SLC2A9: variants seen among roughly 807,000 people sequenced by gnomAD.
SLC2A9 encodes the protein solute carrier family 2 member 9, also known as solute carrier family 2, facilitated glucose transporter member 9.
A neutral mutation model predicts 50.6 loss-of-function variants in SLC2A9; 39 were observed. That is an observed-to-expected ratio of 0.77 (90% confidence interval 0.60 to 1.01). The LOEUF is 1.01. Among genes scored for constraint, SLC2A9 ranks in the 50% least tolerant of loss-of-function variants. The probability of loss-of-function intolerance (pLI) is 0.00; values close to 1 mark genes in which losing one functional copy is unlikely to be tolerated. For synonymous variants in SLC2A9, 324 were observed against 276.9 expected (o/e 1.17, Z -1.69); for missense variants, 686 against 677.6 (o/e 1.01, Z -0.14).
intron 4 of SLC2A9, among the ~76,000 whole-genome samples, chr4:9,982,000 G>T (rs979917289): frequency 1.3e-5 from 2 of 151,906 alleles, no homozygotes; most frequent in African/African-American, 4.8e-5. Context: ...TCCTGCCTCA[G>T]CCTCCTGAGT....
At chr4:10,036,750 AG>A (rs1764119721) in intron 1 of SLC2A9, among the ~76,000 whole-genome samples, 1 of 152,220 alleles carries the variant, frequency 6.6e-6, no homozygotes, top group Non-Finnish European at 1.5e-5. Flanking sequence ...TTCTATCCTT[AG>A]CACAGATTTC....
chr4:9,916,740 A>T (rs1382652003), intron 7 of SLC2A9, among the ~76,000 whole-genome samples: 1 of 152,186 alleles, frequency 6.6e-6, no homozygotes, highest in Non-Finnish European at 1.5e-5. Flanking sequence ...TAGATAAGAG[A>T]ACCACCATGA....
intron 1 of SLC2A9, among the ~76,000 whole-genome samples, chr4:10,033,334 G>A (rs769357604): frequency 5.3e-5 from 8 of 152,038 alleles, no homozygotes; most frequent in Non-Finnish European, 1.0e-4. Flanking sequence ...TCTACTCCCA[G>A]GCGGCTTCCT....
At chr4:9,974,520 C>CA (rs34012301) in intron 5 of SLC2A9, among the ~76,000 whole-genome samples, 101,453 of 144,456 alleles carry the variant, frequency 0.7, 36,470 homozygotes, top group East Asian at 0.95. Flanking sequence ...TAATAGCTGC[C>CA]AAAAAAAAAA....
At chr4:9,863,787 GACTTT>G (rs1732020895) in intron 10 of SLC2A9, among the ~76,000 whole-genome samples, 1 of 152,068 alleles carries the variant, frequency 6.6e-6, no homozygotes, top group East Asian at 1.9e-4. Context: ...GAACAAGAGT[GACTTT>G]ACTTTAAATG....
In SLC2A9 at chr4:9,804,015, A is replaced by C. The variant is rs1251874328; in HGVS notation, n.421-4774T>G. ...ACAAAATATGAATCAAGCACTTTTT[A>C]ATTTAACCATTGGTGCTCTGCAAAG... On this transcript the variant is annotated intron_variant and non_coding_transcript_variant, in intron 3 of 3. Transcript: ENST00000503280. Among the ~76,000 whole-genome samples, 3 of 152,212 alleles carry C rather than the reference A, an allele frequency of 2.0e-5. No individual in the cohort carries two copies. In the East Asian group the frequency reaches 5.8e-4, roughly 29 times the overall value.
chr4:9,859,554 T>C lies in SLC2A9; in HGVS notation c.1292-24546A>G, dbSNP rs150266310. 3.1e-3 allele frequency among the ~76,000 whole-genome samples: 465 copies of C among 152,324 alleles called. 7 individuals are homozygous for C. The highest frequency in any genetic ancestry group is 0.011 in the African/African-American group (453 of 41,570). On this transcript the variant is annotated intron_variant, in intron 10 of 11. Transcript: ENST00000264784. ...AGCCATGAGGCCAAGTGAGGGAGCA[T>C]AGAGACTGAAGCCCTTGTTCAGATT...
intron 2 of SLC2A9, among the ~76,000 whole-genome samples, chr4:10,011,063 C>T (rs1761685156): frequency 6.6e-6 from 1 of 152,194 alleles, no homozygotes; most frequent in Non-Finnish European, 1.5e-5. Flanking sequence ...GGATCAGCTA[C>T]TCTTGAACCC....
chr4:9,859,522 C>T (rs1418061346), intron 10 of SLC2A9, among the ~76,000 whole-genome samples: 1 of 152,210 alleles, frequency 6.6e-6, no homozygotes, highest in South Asian at 2.1e-4. Flanking sequence ...GGTTTTTCTC[C>T]TATACCAGCC....
chr4:9,993,688 G>A (rs1293899443), intron 3 of SLC2A9, among the ~76,000 whole-genome samples: 2 of 152,026 alleles, frequency 1.3e-5, no homozygotes, highest in African/African-American at 4.8e-5. Flanking sequence ...TGTCACTATG[G>A]TCATGCAAGC....
At chr4:9,839,646 TA>T (rs992295688) in intron 10 of SLC2A9, among the ~76,000 whole-genome samples, 9 of 151,946 alleles carry the variant, frequency 5.9e-5, no homozygotes, top group Admixed American at 3.3e-4. Flanking sequence ...TATGCAGCCA[TA>T]AAAAAAGAAT....
chr4:9,850,465 G>C (rs997357346), intron 10 of SLC2A9, among the ~76,000 whole-genome samples: 12 of 152,136 alleles, frequency 7.9e-5, no homozygotes, highest in African/African-American at 2.7e-4. Context: ...GATGAGGCCG[G>C]TACATTCTGA....
downstream of SLC2A9, among the ~76,000 whole-genome samples, chr4:9,777,733 G>C (rs114407557): frequency 4.8e-3 from 735 of 152,282 alleles, 11 homozygotes; most frequent in Middle Eastern, 0.02. Context: ...GATTTAAGAG[G>C]CTGAGATTCT....
At position 9,827,776 on chromosome 4, in the gene SLC2A9, G is replaced by A. The variant is rs535389660; in HGVS notation, c.1420-1176C>T. Among the ~76,000 whole-genome samples the A allele has an allele frequency of 9.2e-5, 14 of 152,274 alleles. No individual in the cohort carries two copies. The East Asian group carries it at 1.5e-3, about 17-fold the overall frequency. ...GCTCTTGAGACTGTGCCTTCTGCTC[G>A]TACAAAGACTTCAAGAGTAGTGTGG... On this transcript the variant is annotated intron_variant, in intron 11 of 11. Coordinates refer to ENST00000264784, the MANE Select transcript of SLC2A9 (RefSeq NM_020041.3).
At chr4:9,807,313 T>C (rs1479081980) in intron 3 of SLC2A9, among the ~76,000 whole-genome samples, 1 of 152,214 alleles carries the variant, frequency 6.6e-6, no homozygotes, top group Non-Finnish European at 1.5e-5. Flanking sequence ...TCTTCTAGAA[T>C]GCCCTTTCTT....
At chr4:9,954,702 G>A (rs1322248968) in intron 5 of SLC2A9, among the ~76,000 whole-genome samples, 2 of 152,100 alleles carry the variant, frequency 1.3e-5, no homozygotes, top group Non-Finnish European at 2.9e-5. Context: ...CACCTAGCCA[G>A]GACCTACCAT....
intron 3 of SLC2A9, among the ~76,000 whole-genome samples, chr4:9,812,097 T>C (rs886379505): frequency 2.6e-5 from 4 of 152,202 alleles, no homozygotes; most frequent in Non-Finnish European, 5.9e-5. Context: ...GTAATAAACA[T>C]TCATTTGTTG....
intron 10 of SLC2A9, chr4:9,880,245 G>A (rs1734977333): frequency 1.0e-6 from 1 of 985,358 alleles, no homozygotes; most frequent in Admixed American, 6.1e-5. Context: ...GAGTTTAAAT[G>A]AAGCTTCTAA....
At chr4:9,839,944 T>C (rs773362649) in intron 10 of SLC2A9, among the ~76,000 whole-genome samples, 52 of 152,176 alleles carry the variant, frequency 3.4e-4, no homozygotes, top group Non-Finnish European at 6.5e-4. Flanking sequence ...TTTACCTATG[T>C]AACAAACCTG....
Sources: gnomAD v4.1 joint callset for allele counts (sites outside exome capture counted in the v4.1 genomes callset) on GRCh38, gnomAD v4.1.1 for gene constraint, MANE v1.5 for transcripts, NCBI Gene and HGNC (gene_info 2026-07-23, HGNC 2026-07-21) for gene names.